Variants in MYH6 observed in about 807,000 individuals in gnomAD.
The protein encoded by MYH6 is myosin-6.
Under a neutral mutation model 223.2 loss-of-function variants are expected in MYH6, and 126 were observed. That is an observed-to-expected ratio of 0.56 (90% CI 0.49 to 0.65). The LOEUF is 0.65. Among genes scored for constraint, MYH6 ranks in the 30% least tolerant of loss-of-function variants. The probability of loss-of-function intolerance (pLI) is 0.00; values close to 1 mark genes in which losing one functional copy is unlikely to be tolerated. For missense variants in MYH6, 2,040 were observed against 2,536.4 expected (o/e 0.80, Z 4.20); for synonymous variants, 978 against 1,010.2 (o/e 0.97, Z 0.61).
In MYH6 at chr14:23,385,949, C is replaced by T. The variant is rs755986916; in HGVS notation, c.5142G>A (p.Arg1714=). 9.9e-6 allele frequency: 16 copies of T among 1,614,104 alleles called. No individual in the cohort carries two copies. The highest frequency in any genetic ancestry group is 1.3e-5 in the Non-Finnish European group (15 of 1,180,052). The part of the protein sequence containing the change: ...AEQELIETSE[R]VQLLHSQNTS... ...TCACCTGGGAATGCAGCAGCTGCAC[C>T]CGCTCGCTGGTCTCAATCAGCTCCT... Residue 1714 remains arginine (R), a synonymous_variant, in exon 34 of 39, where the codon CGG becomes CGA. Coordinates refer to ENST00000405093, the MANE Select transcript of MYH6 (RefSeq NM_002471.4).
intron 13 of MYH6, 131 bp downstream of exon 13, chr14:23,400,578 T>A: frequency 6.3e-7 from 1 of 1,582,468 alleles, no homozygotes; most frequent in Non-Finnish European, 8.6e-7. Context: ...ACAGGGACAA[T>A]GACTGCCTCT....
chr14:23,394,135 T>C lies in MYH6; in HGVS notation c.2618A>G (p.Lys873Arg). ...GGACACCATCTTCTCCTCCAGCTCC[T>C]TGCGGCGAGCCTCGGACTTCTCCAG... Reference protein sequence around the residue: ...ETLEKSEARRKELEEKMVSLL... With the variant: ...ETLEKSEARRRELEEKMVSLL... The change falls in exon 21 of 39, where the codon AAG (lysine) becomes AGG (arginine). Residue 873 changes from lysine to arginine, a missense_variant. Lys to Arg is a conservative substitution (Grantham distance 26). Transcript: ENST00000405093. The C allele has an allele frequency of 6.2e-7, 1 of 1,614,222 alleles. No individual in the cohort carries two copies. Among genetic ancestry groups the C allele is most frequent in the Non-Finnish European group, 8.5e-7 (1 of 1,180,038 alleles).
intron 25 of MYH6, among the ~76,000 whole-genome samples, chr14:23,391,678 T>C (rs938723793): frequency 2.0e-5 from 3 of 152,194 alleles, no homozygotes; most frequent in Non-Finnish European, 4.4e-5. Context: ...GTAGCCGAGT[T>C]CCTGTTGCCC....
rs71425088 is a variant in MYH6, at chr14:23,396,103, TAAA to T, written c.2429+178_2429+180del. On this transcript the variant is annotated intron_variant, in intron 20 of 38. Coordinates refer to ENST00000405093, the MANE Select transcript of MYH6 (RefSeq NM_002471.4). ...GCATTTTCCTATAGAGAAGTTTCTT[TAAA>T]AAAAAAAAAAGAAGAAGAAGAAGAA... Among the ~76,000 whole-genome samples the T allele has an allele frequency of 1.9e-3, 271 of 143,088 alleles. 1 individual carries two copies. The highest frequency in any genetic ancestry group is 6.3e-3 in the African/African-American group (244 of 38,732). The allele number at this position is 143,088 out of a possible 152,430, so 93.9% of individuals were successfully genotyped here.
intron 8 of MYH6, 150 bp downstream of exon 8, chr14:23,404,146 G>A (rs568065646): frequency 1.6e-4 from 165 of 1,007,494 alleles, no homozygotes; most frequent in Non-Finnish European, 2.4e-4. Context: ...CAGACCTTTG[G>A]CTCCAAAGCC....
chr14:23,395,775 G>A (rs542111799), intron 20 of MYH6, among the ~76,000 whole-genome samples: 3 of 152,114 alleles, frequency 2.0e-5, no homozygotes, highest in East Asian at 1.9e-4. Flanking sequence ...TGATCCACCC[G>A]CCTCGGCCTC....
chr14:23,401,233 C>T (rs1258422172), intron 12 of MYH6, among the ~76,000 whole-genome samples: 2 of 152,216 alleles, frequency 1.3e-5, no homozygotes, highest in Admixed American at 6.5e-5. Flanking sequence ...TCTCAAACTC[C>T]TTACCTCAAG....
In MYH6 at chr14:23,389,072, G is replaced by GGGCC; in HGVS notation, c.3979-18_3979-17insGGCC. On this transcript the variant is annotated splice_polypyrimidine_tract_variant and intron_variant, in intron 28 of 38. Transcript: ENST00000405093. ...GTTCTTCGCCTGGGGAGGGGGGGGG[G>GGGCC]CACCAGGAGGTGGGAGGGACTCCCT... 2.6e-6 allele frequency: 3 copies of GGGCC among 1,135,162 alleles called. No homozygotes were observed. Among genetic ancestry groups the GGGCC allele is most frequent in the Non-Finnish European group, 2.6e-6 (2 of 774,146 alleles). 70.3% of individuals were successfully genotyped at this position (1,135,162 alleles called of 1,614,324 possible). A position where few individuals can be genotyped will look rare whatever the true frequency, so the allele number is the denominator to read the frequency against.
rs1234652324 is a variant in MYH6, at chr14:23,392,666, G to C, written c.3252-14C>G. The C allele has an allele frequency of 2.3e-6, 3 of 1,290,646 alleles. No individual in the cohort carries two copies. The African/African-American group carries it at 4.5e-5, about 19-fold the overall frequency. 79.9% of individuals were successfully genotyped at this position (1,290,646 alleles called of 1,614,324 possible). A position where few individuals can be genotyped will look rare whatever the true frequency, so the allele number is the denominator to read the frequency against. On this transcript the variant is annotated splice_polypyrimidine_tract_variant and intron_variant, in intron 24 of 38. Coordinates refer to ENST00000405093, the MANE Select transcript of MYH6 (RefSeq NM_002471.4). ...TCAAACTCCTTCCTGCAGGAGAAGG[G>C]TGGGGGTGGGGGAGTGACAGGTAGC...
rs773152632 is a variant in MYH6, at chr14:23,402,723, C to A, written c.976G>T (p.Asp326Tyr). Reference protein sequence around the residue: ...QGEVSVASIDDSEELMATDSA... With the variant: ...QGEVSVASIDYSEELMATDSA... ...TCGGTGGCCATGAGCTCCTCGGAGT[C>A]ATCAATGGAGGCCACGGACACCTCT... The change falls in exon 11 of 39, where the codon GAC (aspartate) becomes TAC (tyrosine). Residue 326 changes from aspartate (D) to tyrosine (Y), a missense_variant. Physicochemically the swap from Asp to Tyr is radical, Grantham distance 160. This residue lies in a region of MYH6 where 649 missense variants were observed against 877.3 expected (regional missense o/e 0.74). Coordinates refer to ENST00000405093, the MANE Select transcript of MYH6 (RefSeq NM_002471.4). The A allele has an allele frequency of 6.2e-7, 1 of 1,613,606 alleles. No homozygotes were observed. Among genetic ancestry groups the A allele is most frequent in the Non-Finnish European group, 8.5e-7 (1 of 1,179,970 alleles).
chr14:23,393,294 C>T, intron 23 of MYH6, 48 bp downstream of exon 23: 1 of 1,611,672 alleles, frequency 6.2e-7, no homozygotes, highest in South Asian at 1.1e-5. Flanking sequence ...ATTGGTGTTG[C>T]CTGCAAAATC....
At chr14:23,388,796 C>T (rs1190386669) in intron 29 of MYH6, 63 bp downstream of exon 29, 2 of 1,612,694 alleles carry the variant, frequency 1.2e-6, no homozygotes, top group African/African-American at 1.3e-5. Flanking sequence ...TGCCTGTCCC[C>T]ACCCCAGGTC....
chr14:23,402,830 A>C (rs899649683), intron 10 of MYH6, 30 bp from the exon 11 acceptor site: 4 of 1,445,286 alleles, frequency 2.8e-6, no homozygotes, highest in Non-Finnish European at 3.7e-6. Flanking sequence ...AGGCAGGGGC[A>C]AGGGGGCAGG....
chr14:23,389,487 T>C lies in MYH6; in HGVS notation c.3884A>G (p.Glu1295Gly). Reference protein sequence around the residue: ...ENGELARQLEEKEALISQLTR... With the variant: ...ENGELARQLEGKEALISQLTR... ...CAGCTGCGAGATTAGCGCCTCCTTT[T>C]CCTCTAGCTGCCGGGCCAACTCTCC... is the stretch of plus-strand genomic sequence containing the variant. The change falls in exon 28 of 39, where the codon GAA (glutamate) becomes GGA (glycine). Residue 1295 changes from glutamate (E) to glycine (G), a missense_variant. Glu to Gly is a moderately conservative substitution (Grantham distance 98, BLOSUM62 -2). Coordinates refer to ENST00000405093, the MANE Select transcript of MYH6 (RefSeq NM_002471.4). 3 of 1,614,162 alleles carry C rather than the reference T, an allele frequency of 1.9e-6. No individual in the cohort carries two copies. In the African/African-American group the frequency reaches 4.0e-5, roughly 22 times the overall value.
chr14:23,397,381 G>T, intron 16 of MYH6, 124 bp from the exon 17 acceptor site: 1 of 1,274,886 alleles, frequency 7.8e-7, no homozygotes, highest in Non-Finnish European at 1.1e-6. Flanking sequence ...CATAATTTGT[G>T]ACGTGAGTTC....
rs114763377 is a variant in MYH6, at chr14:23,384,759, C to A, written c.5290-42G>T. ...GGTGGCAAGGAACATGGGCCAGGGG[C>A]CGGGGCCTTTTGCCCCCCAAGGATC... On this transcript the variant is annotated intron_variant, in intron 35 of 38. Transcript: ENST00000405093. The A allele has an allele frequency of 1.8e-3, 2,941 of 1,614,098 alleles. 54 individuals are homozygous for A. The African/African-American group carries it at 0.032, about 18-fold the overall frequency.
At chr14:23,382,399 G>A (rs773403092) in intron 38 of MYH6, 29 bp downstream of exon 38, 3 of 1,613,616 alleles carry the variant, frequency 1.9e-6, no homozygotes, top group Non-Finnish European at 8.5e-7. Context: ...ATGTGGAAGT[G>A]ACTAGTGAAG....
rs2138623403 is a variant in MYH6 at position 23,407,563 on chromosome 14, G to A, written c.-14+13C>T. Reference sequence around the variant, plus strand: ...GCCCCAGTCTCTGCAGAGAAAATGGGGGCAGTTCTCACCTGGTTATCCCTT... The same window carrying A: ...GCCCCAGTCTCTGCAGAGAAAATGGAGGCAGTTCTCACCTGGTTATCCCTT... On this transcript the variant is annotated intron_variant, in intron 2 of 38. Transcript: ENST00000405093. This position sits in a 1 kb window ranked among gnomAD's most constrained non-coding sequence, Gnocchi z 5.6. 1 of 1,233,620 alleles carries A rather than the reference G, an allele frequency of 8.1e-7. No individual in the cohort carries two copies. Among genetic ancestry groups the A allele is most frequent in the East Asian group, 4.7e-5 (1 of 21,406 alleles). The allele number at this position is 1,233,620 out of a possible 1,614,324, so 76.4% of individuals were successfully genotyped here. A position where few individuals can be genotyped will look rare whatever the true frequency, so the allele number is the denominator to read the frequency against.
At chr14:23,397,929 CTCCTCTTCTTCTTCTTCTTCTTCTTCT>C (rs1186781561) in intron 15 of MYH6, among the ~76,000 whole-genome samples, 63 of 123,096 alleles carry the variant, frequency 5.1e-4, no homozygotes, top group Middle Eastern at 4.2e-3. Context: ...CCTCCTCCTC[CTCCTCTTCTTCTTCTTCTTCTTCTTCT>C]TCTTCTTCTT....
Sources: allele counts gnomAD v4.1 joint callset (sites outside exome capture counted in the v4.1 genomes callset), GRCh38; gene constraint gnomAD v4.1.1; regional missense constraint gnomAD v4.1.1; non-coding constraint Gnocchi (gnomAD v3.1); transcripts MANE v1.5; gene names NCBI Gene and HGNC (gene_info 2026-07-23, HGNC 2026-07-21).